TBXAS1: variants seen among roughly 807,000 people sequenced by gnomAD.
TBXAS1 encodes the protein thromboxane-A synthase.
TBXAS1 carries 48 observed loss-of-function variants against 60.7 expected under a neutral mutation model. The ratio of observed to expected loss-of-function variants is 0.79; its 90% CI spans 0.63 to 1.01. The LOEUF is 1.01. Among genes scored for constraint, TBXAS1 ranks in the 50% least tolerant of loss-of-function variants. The pLI, the probability that TBXAS1 is intolerant of heterozygous loss-of-function variation, is 0.00. For missense variants in TBXAS1, 685 were observed against 686.3 expected (o/e 1.00, Z 0.02); for synonymous variants, 287 against 269.7 (o/e 1.06, Z -0.63).
At chr7:139,813,581 G>A (rs1371196492) in intron 4 of TBXAS1, among the ~76,000 whole-genome samples, 1 of 152,144 alleles carries the variant, frequency 6.6e-6, no homozygotes, top group Non-Finnish European at 1.5e-5. Flanking sequence ...GTTATAGGCT[G>A]TGGTCACCTG....
rs190044724 is a variant in TBXAS1 at position 139,915,656 on chromosome 7, G to A, written c.333+4335G>A. On this transcript the variant is annotated intron_variant, in intron 4 of 12. Transcript: ENST00000448866. ...TTAGCTCTGAAATTTGACATGAGCC[G>A]TAAGCATCCCATGAGGGATCCATAG... Among the ~76,000 whole-genome samples, 11 of 152,306 alleles carry A rather than the reference G, an allele frequency of 7.2e-5. No homozygotes were observed. In the East Asian group the frequency reaches 2.1e-3, roughly 29 times the overall value.
At chr7:139,874,360 G>A (rs1802057790) in intron 2 of TBXAS1, among the ~76,000 whole-genome samples, 2 of 152,160 alleles carry the variant, frequency 1.3e-5, no homozygotes, top group Admixed American at 1.3e-4. Flanking sequence ...GAGGAAAACG[G>A]CGTAGCTGTC....
intron 9 of TBXAS1, among the ~76,000 whole-genome samples, chr7:140,006,856 T>C (rs1209640166): frequency 1.3e-5 from 2 of 152,120 alleles, no homozygotes; most frequent in Non-Finnish European, 2.9e-5. Context: ...ATAACCAAAC[T>C]TCTCTGTATT....
rs1437889523 is a variant in TBXAS1 at position 139,916,093 on chromosome 7, G to A, written c.333+4772G>A. ...ATGTTTCTATTTAGATATTTTCAAT[G>A]AGCTCTTCTTTGCTGTCAGGTACGG... is the stretch of plus-strand genomic sequence containing the variant. On this transcript the variant is annotated intron_variant, in intron 4 of 12. Coordinates refer to ENST00000448866, the MANE Select transcript of TBXAS1 (RefSeq NM_001061.7). The surrounding 1 kb of genome is among the most constrained non-coding windows in gnomAD (Gnocchi z 4.2). Among the ~76,000 whole-genome samples the A allele has an allele frequency of 5.9e-5, 9 of 152,156 alleles. No individual in the cohort carries two copies. Among genetic ancestry groups the A allele is most frequent in the Non-Finnish European group, 4.4e-5 (3 of 68,032 alleles).
In TBXAS1 at chr7:140,020,159, G is replaced by A. The variant is rs769687125; in HGVS notation, c.*60G>A. ...CAAATTCAAAGAAAACCCTAAGTGT[G>A]GATGTTCAGAATTTTGGAAAAATGT... is the stretch of plus-strand genomic sequence containing the variant. On this transcript the variant is annotated 3_prime_UTR_variant, in exon 13 of 13. Transcript: ENST00000448866. 31 of 1,560,936 alleles carry A rather than the reference G, an allele frequency of 2.0e-5. No individual in the cohort carries two copies. The highest frequency in any genetic ancestry group is 2.7e-5 in the Non-Finnish European group (31 of 1,132,796).
At chr7:139,824,829 C>CTTTTCT (rs1401847052), upstream of TBXAS1, among the ~76,000 whole-genome samples, 4,141 of 38,850 alleles carry the variant, frequency 0.11, 352 homozygotes, top group African/African-American at 0.31. Context: ...TTTTCCTTTT[C>CTTTTCT]TTTTTTTTTT....
At chr7:139,933,726 C>T (rs1478983958) in intron 4 of TBXAS1, among the ~76,000 whole-genome samples, 1 of 152,078 alleles carries the variant, frequency 6.6e-6, no homozygotes, top group Non-Finnish European at 1.5e-5. Flanking sequence ...GGAGTTTTTA[C>T]AAGGCTTTTG....
intron 4 of TBXAS1, chr7:139,913,632 G>A (rs775353760): frequency 1.9e-5 from 3 of 154,210 alleles, no homozygotes; most frequent in Admixed American, 1.3e-4. Flanking sequence ...CCTCAGCTTT[G>A]ATCAATTTAT....
chr7:139,891,521 T>C (rs1044374503), intron 3 of TBXAS1, among the ~76,000 whole-genome samples: 7 of 152,180 alleles, frequency 4.6e-5, no homozygotes, highest in African/African-American at 7.2e-5. Context: ...CCAAAGCTCT[T>C]TCCATTCCAC....
intron 9 of TBXAS1, among the ~76,000 whole-genome samples, chr7:140,003,017 G>A (rs963291891): frequency 2.0e-5 from 3 of 151,024 alleles, no homozygotes; most frequent in South Asian, 2.1e-4. Flanking sequence ...CCAGCTACTC[G>A]GGAGGCTGAG....
At chr7:139,949,073 G>A (rs920815129) in intron 5 of TBXAS1, among the ~76,000 whole-genome samples, 13 of 152,042 alleles carry the variant, frequency 8.6e-5, no homozygotes, top group African/African-American at 1.7e-4. Flanking sequence ...TTACAATCAC[G>A]TCAGGCAGCA....
chr7:139,813,780 G>A (rs1798082475), intron 4 of TBXAS1, among the ~76,000 whole-genome samples: 1 of 152,208 alleles, frequency 6.6e-6, no homozygotes, highest in Admixed American at 6.5e-5. Context: ...GGCATACAAT[G>A]TGTATGTATC....
chr7:139,967,424 G>A (rs933882780), intron 9 of TBXAS1, among the ~76,000 whole-genome samples: 1 of 152,192 alleles, frequency 6.6e-6, no homozygotes, highest in East Asian at 1.9e-4. Context: ...ATGACTCCTT[G>A]CTCTAAGTTT....
intron 6 of TBXAS1, 102 bp downstream of exon 6, chr7:139,953,558 G>A: frequency 9.1e-7 from 1 of 1,099,830 alleles, no homozygotes. Context: ...GCAAACTGTG[G>A]AAACGCTAGA....
chr7:139,794,587 A>G (rs1324507967), intron 4 of TBXAS1, among the ~76,000 whole-genome samples: 6 of 151,474 alleles, frequency 4.0e-5, no homozygotes, highest in Non-Finnish European at 7.4e-5. Context: ...ATATGTATAC[A>G]TGTGCCATGC....
chr7:139,896,877 C>T lies in TBXAS1; in HGVS notation c.237-14348C>T, dbSNP rs902473406. On this transcript the variant is annotated intron_variant, in intron 3 of 12. Transcript: ENST00000448866. The surrounding 1 kb of genome is among the most constrained non-coding windows in gnomAD (Gnocchi z 4.0). ...ACTTGCTTCAAATGATGGAGAACCA[C>T]TAGAGATTTATAGGGAATAGAACGA... Among the ~76,000 whole-genome samples the T allele has an allele frequency of 6.6e-6, 1 of 152,122 alleles. No homozygotes were observed. Among genetic ancestry groups the T allele is most frequent in the African/African-American group, 2.4e-5 (1 of 41,408 alleles).
At chr7:139,993,113 C>T (rs1400265920) in intron 9 of TBXAS1, among the ~76,000 whole-genome samples, 1 of 152,192 alleles carries the variant, frequency 6.6e-6, no homozygotes, top group Non-Finnish European at 1.5e-5. Context: ...AAGAGAATTG[C>T]TTGAACCCGG....
chr7:139,931,087 A>C (rs1807290659), intron 4 of TBXAS1, among the ~76,000 whole-genome samples: 2 of 152,094 alleles, frequency 1.3e-5, no homozygotes, highest in Admixed American at 1.3e-4. Context: ...ATGTACATAC[A>C]CACATACACA....
intron 5 of TBXAS1, 94 bp from the exon 6 acceptor site, chr7:139,953,274 C>A: frequency 9.9e-7 from 1 of 1,012,698 alleles, no homozygotes. Context: ...GTTCATTTTC[C>A]CAGAAAGCAC....
Sources: allele counts gnomAD v4.1 joint callset (sites outside exome capture counted in the v4.1 genomes callset), GRCh38; gene constraint gnomAD v4.1.1; non-coding constraint Gnocchi (gnomAD v3.1); transcripts MANE v1.5; gene names NCBI Gene and HGNC (gene_info 2026-07-23, HGNC 2026-07-21).